Variants in ACOX3 observed in about 807,000 individuals in gnomAD.
ACOX3 encodes acyl-CoA oxidase 3, pristanoyl.
ACOX3 carries 73 observed loss-of-function variants against 81.5 expected under a neutral mutation model. The observed-to-expected ratio is 0.90, with a 90% CI of 0.74 to 1.09. The LOEUF is 1.09. ACOX3 is among the 50% of genes least tolerant of loss of function. The pLI is 0.00. For synonymous variants in ACOX3, 387 were observed against 375.1 expected (o/e 1.03, Z -0.37); for missense variants, 947 against 928.0 (o/e 1.02, Z -0.27).
chr4:8,412,002 G>GT (rs1721775692), intron 5 of ACOX3, among the ~76,000 whole-genome samples: 1 of 152,174 alleles, frequency 6.6e-6, no homozygotes, highest in African/African-American at 2.4e-5. Context: ...AAAAGAAGGA[G>GT]GTGGAAATGG....
chr4:8,402,982 C>G (rs916133180), intron 7 of ACOX3, among the ~76,000 whole-genome samples: 1 of 152,192 alleles, frequency 6.6e-6, no homozygotes, highest in Non-Finnish European at 1.5e-5. Context: ...GCCATCCTCC[C>G]AGCCACCGCC....
chr4:8,357,303 G>C, the ACOX3 span: 2 of 455,080 alleles, frequency 4.4e-6, no homozygotes, highest in East Asian at 1.4e-4. Context: ...GAGGACTCTG[G>C]GGCAGGGGCA....
rs1436713532 is a variant in ACOX3, at chr4:8,399,540, C to T, written c.873+16G>A. On this transcript the variant is annotated intron_variant, in intron 8 of 17. Transcript: ENST00000356406. This position sits in a 1 kb window ranked among gnomAD's most constrained non-coding sequence, Gnocchi z 4.9. Reference sequence around the variant, plus strand: ...CCTGGGAAGCACGGCACACGAACGGCCCCCCATGCCTGTACCTTAAAGGGG... The same window carrying T: ...CCTGGGAAGCACGGCACACGAACGGTCCCCCATGCCTGTACCTTAAAGGGG... 2.5e-6 allele frequency: 4 copies of T among 1,600,262 alleles called. No homozygotes were observed. The highest frequency in any genetic ancestry group is 3.4e-6 in the Non-Finnish European group (4 of 1,168,100).
chr4:8,373,786 A>T, intron 15 of ACOX3, 158 bp from the exon 16 acceptor site: 1 of 669,078 alleles, frequency 1.5e-6, no homozygotes, highest in Middle Eastern at 3.2e-4. Flanking sequence ...GATGTGACCC[A>T]AGGAATGTGC....
chr4:8,375,244 G>A, intron 14 of ACOX3, 92 bp from the exon 15 acceptor site: 7 of 1,281,186 alleles, frequency 5.5e-6, no homozygotes, highest in South Asian at 1.5e-5. Context: ...ACGAACGCGG[G>A]TCTGCGTTCC....
Position 8,366,415 on chromosome 4 carries a change from A to G in ACOX3, c.*546T>C, listed in dbSNP as rs1395626003. 1 of 152,332 alleles carries G rather than the reference A, an allele frequency of 6.6e-6. No individual in the cohort carries two copies. The highest frequency in any genetic ancestry group is 2.4e-5 in the African/African-American group (1 of 41,476). 9.4% of individuals were successfully genotyped at this position (152,332 alleles called of 1,614,324 possible). A position where few individuals can be genotyped will look rare whatever the true frequency, so the allele number is the denominator to read the frequency against. ...GGAAATTTCCAGTTCCACAAAAGAAAGTAATCAAACAGATGTTCCTCCTTA... is the reference window on the plus strand; with the variant it reads ...GGAAATTTCCAGTTCCACAAAAGAAGGTAATCAAACAGATGTTCCTCCTTA... On this transcript the variant is annotated 3_prime_UTR_variant, in exon 18 of 18. Transcript: ENST00000356406.
intron 1 of ACOX3, among the ~76,000 whole-genome samples, chr4:8,433,664 T>C (rs1399097909): frequency 1.3e-5 from 2 of 152,264 alleles, no homozygotes; most frequent in Non-Finnish European, 2.9e-5. Context: ...ATTTGGTCTG[T>C]GCTTTTATCT....
At chr4:8,393,002 A>C (rs1719186652) in intron 10 of ACOX3, 1 of 152,024 alleles carries the variant, frequency 6.6e-6, no homozygotes, top group African/African-American at 2.4e-5. Flanking sequence ...TGTTTTATTG[A>C]GACTCCTTTG....
rs10017273 is a variant in ACOX3 at position 8,370,087 on chromosome 4, G to A, written c.1983+821C>T. 0.016 allele frequency among the ~76,000 whole-genome samples: 2,513 copies of A among 152,334 alleles called. 75 individuals are homozygous for A. Among genetic ancestry groups the A allele is most frequent in the African/African-American group, 0.056 (2,339 of 41,574 alleles). The stretch of plus-strand genomic sequence containing the variant: ...TACAGTGCCTGGGGGCACTGCCTCA[G>A]CTGGAGGCCAGAGAAGGCCTCTCCA... On this transcript the variant is annotated intron_variant, in intron 17 of 17. Coordinates refer to ENST00000356406, the MANE Select transcript of ACOX3 (RefSeq NM_003501.3). The surrounding 1 kb of genome is among the most constrained non-coding windows in gnomAD (Gnocchi z 6.3).
intron 9 of ACOX3, among the ~76,000 whole-genome samples, chr4:8,395,093 G>A (rs1719544148): frequency 6.6e-6 from 1 of 152,326 alleles, no homozygotes. Flanking sequence ...CACACGGACT[G>A]ACTGGCTGAC....
chr4:8,437,111 A>T lies in ACOX3; in HGVS notation c.-15+3537T>A, dbSNP rs1370209194. Reference sequence around the variant, plus strand: ...CGTAAATATATATATTTACATATATATGTAAAAAAATATATGTAAATATAT... The same window carrying T: ...CGTAAATATATATATTTACATATATTTGTAAAAAAATATATGTAAATATAT... On this transcript the variant is annotated intron_variant, in intron 1 of 17. Transcript: ENST00000356406. This position sits in a 1 kb window ranked among gnomAD's most constrained non-coding sequence, Gnocchi z 5.2. 1.5e-5 allele frequency among the ~76,000 whole-genome samples: 1 copy of T among 67,008 alleles called. No individual in the cohort carries two copies. Among genetic ancestry groups the T allele is most frequent in the Non-Finnish European group, 2.7e-5 (1 of 36,832 alleles). The allele number at this position is 67,008 out of a possible 152,430, so 44.0% of individuals were successfully genotyped here.
intron 1 of ACOX3, among the ~76,000 whole-genome samples, chr4:8,433,406 C>G (rs1724061318): frequency 6.6e-6 from 1 of 152,192 alleles, no homozygotes; most frequent in African/African-American, 2.4e-5. Context: ...TCAAGGAATG[C>G]CAATGATTGC....
Position 8,397,526 on chromosome 4 carries a change from A to T in ACOX3, c.874-407T>A, listed in dbSNP as rs112931320. ...GGCAGGGGCGGAGTCCATTACAGGCAGCCTTTCCAGGGGGTTTCACGGACA... is the reference window on the plus strand; with the variant it reads ...GGCAGGGGCGGAGTCCATTACAGGCTGCCTTTCCAGGGGGTTTCACGGACA... On this transcript the variant is annotated intron_variant, in intron 8 of 17. Coordinates refer to ENST00000356406, the MANE Select transcript of ACOX3 (RefSeq NM_003501.3). Among the ~76,000 whole-genome samples the T allele has an allele frequency of 4.6e-5, 7 of 152,356 alleles. 1 individual carries two copies. Among genetic ancestry groups the T allele is most frequent in the African/African-American group, 1.7e-4 (7 of 41,576 alleles).
intron 16 of ACOX3, 152 bp from the exon 17 acceptor site, chr4:8,371,146 A>G (rs1716141387): frequency 1.5e-6 from 1 of 669,484 alleles, no homozygotes; most frequent in Non-Finnish European, 2.6e-6. Flanking sequence ...TGATCTCTTC[A>G]CCGGCCTGGA....
the ACOX3 span, chr4:8,356,421 G>A: frequency 2.5e-6 from 1 of 407,690 alleles, no homozygotes; most frequent in South Asian, 1.8e-5. Flanking sequence ...CTGCCACGGA[G>A]CAGAAGCCTT....
At chr4:8,374,813 A>G (rs1716711868) in intron 15 of ACOX3, 165 bp downstream of exon 15, 5 of 744,914 alleles carry the variant, frequency 6.7e-6, no homozygotes, top group Admixed American at 6.7e-5. Context: ...TCTGCCCCAT[A>G]TGCTTCTCAT....
chr4:8,377,460 G>GGCTCTGCAGCTCTGCA (rs112562454), intron 14 of ACOX3, among the ~76,000 whole-genome samples: 1 of 151,772 alleles, frequency 6.6e-6, no homozygotes, highest in African/African-American at 2.4e-5. Flanking sequence ...AGCGTCACTC[G>GGCTCTGCAGCTCTGCA]GCTCTGCAGC....
the ACOX3 span, chr4:8,356,642 T>C: frequency 2.2e-6 from 1 of 455,644 alleles, no homozygotes; most frequent in Non-Finnish European, 4.4e-6. Flanking sequence ...AGGAAGAAAG[T>C]GTGCAGAATG....
In ACOX3 at chr4:8,415,832, G is replaced by C. The variant is rs754191819; in HGVS notation, c.312C>G (p.Pro104=). The change falls in exon 3 of 18, where the codon CCC becomes CCG. Residue 104 remains proline (P), a synonymous_variant. Coordinates refer to ENST00000356406, the MANE Select transcript of ACOX3 (RefSeq NM_003501.3). ...ACATGCCCAGGCACTGAATCAAGGC[G>C]GGGACCTTCAGAGGGCTCTTGAACA... The part of the protein sequence containing the change: ...EDMFKSPLKV[P]ALIQCLGMYD... The C allele has an allele frequency of 1.3e-5, 21 of 1,614,004 alleles. No individual in the cohort carries two copies. Among genetic ancestry groups the C allele is most frequent in the Non-Finnish European group, 1.7e-5 (20 of 1,180,032 alleles).
Sources: gnomAD v4.1 joint callset for allele counts (sites outside exome capture counted in the v4.1 genomes callset) on GRCh38, gnomAD v4.1.1 for gene constraint, Gnocchi (gnomAD v3.1) non-coding constraint, MANE v1.5 for transcripts, NCBI Gene and HGNC (gene_info 2026-07-23, HGNC 2026-07-21) for gene names.